The following TMOD1 variants were observed in gnomAD, a reference collection of about 807,000 sequenced individuals.
The protein encoded by TMOD1 is tropomodulin 1, also known as tropomodulin-1.
A neutral mutation model predicts 40.6 loss-of-function variants in TMOD1; 17 were observed. The observed-to-expected ratio is 0.42, with a 90% CI of 0.29 to 0.63. The LOEUF (loss-of-function observed/expected upper bound fraction) is 0.63, where lower values mean the gene tolerates loss of function less well. Among genes scored for constraint, TMOD1 ranks in the 20% least tolerant of loss-of-function variants. The pLI, the probability that TMOD1 is intolerant of heterozygous loss-of-function variation, is 0.22. For synonymous variants in TMOD1, 181 were observed against 175.0 expected, an observed-to-expected ratio of 1.03 and a Z score of -0.27; for missense variants, 391 against 447.6, an observed-to-expected ratio of 0.87 and a Z score of 1.14.
chr9:97,566,644 T>C (rs963901424), intron 7 of TMOD1, among the ~76,000 whole-genome samples: 2 of 151,982 alleles, frequency 1.3e-5, no homozygotes, highest in Admixed American at 6.6e-5. Context: ...ATACTCCAGC[T>C]TGGGCGACAG....
At chr9:97,552,166 G>C (rs1202452118) in intron 3 of TMOD1, among the ~76,000 whole-genome samples, 1 of 152,138 alleles carries the variant, frequency 6.6e-6, no homozygotes, top group Non-Finnish European at 1.5e-5. Flanking sequence ...GGATTCCACT[G>C]ACTTCTTTTT....
intron 2 of TMOD1, among the ~76,000 whole-genome samples, chr9:97,543,795 C>A (rs1406625646): frequency 6.6e-6 from 1 of 152,216 alleles, no homozygotes; most frequent in African/African-American, 2.4e-5. Flanking sequence ...GGCGTGGGCA[C>A]ACACAGCTAG....
At position 97,600,852 on chromosome 9, in the gene TMOD1, G is replaced by GTGTT. The variant is rs1483857454; in HGVS notation, c.*1155_*1158dup. 3 of 1,088,988 alleles carry GTGTT rather than the reference G, an allele frequency of 2.8e-6. No homozygotes were observed. The highest frequency in any genetic ancestry group is 5.0e-5 in the Admixed American group (1 of 20,026). 67.5% of individuals were successfully genotyped at this position (1,088,988 alleles called of 1,614,324 possible). A position where few individuals can be genotyped will look rare whatever the true frequency, so the allele number is the denominator to read the frequency against. ...GTGCGTCTCTTGGGATCCAGCAAAA[G>GTGTT]TGTTAAGCCACAATGCCCTTGTGCC... On this transcript the variant is annotated 3_prime_UTR_variant, in exon 10 of 10. Coordinates refer to ENST00000259365, the MANE Select transcript of TMOD1 (RefSeq NM_003275.4).
chr9:97,563,468 A>C (rs895478791), intron 5 of TMOD1, among the ~76,000 whole-genome samples: 1 of 152,038 alleles, frequency 6.6e-6, no homozygotes, highest in Non-Finnish European at 1.5e-5. Context: ...TCCTTGCAAG[A>C]TTTATCCTTT....
At chr9:97,573,828 AGCCTC>A (rs1255780313) in intron 8 of TMOD1, among the ~76,000 whole-genome samples, 1 of 152,220 alleles carries the variant, frequency 6.6e-6, no homozygotes, top group African/African-American at 2.4e-5. Flanking sequence ...TTTATGACCC[AGCCTC>A]GGAAGTTACA....
intron 7 of TMOD1, among the ~76,000 whole-genome samples, chr9:97,568,505 A>G (rs539229793): frequency 6.6e-6 from 1 of 152,332 alleles, no homozygotes; most frequent in South Asian, 2.1e-4. Flanking sequence ...AAAGATGGGT[A>G]GAGCTTGGAC....
chr9:97,599,591 T>G (rs993100233), intron 9 of TMOD1, 43 bp from the exon 10 acceptor site: 3 of 1,612,928 alleles, frequency 1.9e-6, no homozygotes, highest in Non-Finnish European at 2.5e-6. Context: ...GCCCCTGGTC[T>G]ACAGGGAAAA....
chr9:97,580,179 G>T (rs1336661607), intron 8 of TMOD1, among the ~76,000 whole-genome samples: 1 of 152,186 alleles, frequency 6.6e-6, no homozygotes, highest in Non-Finnish European at 1.5e-5. Context: ...GTAAATTGCA[G>T]CAGTTCTTGG....
At chr9:97,536,050 C>T (rs1412760030) in intron 2 of TMOD1, among the ~76,000 whole-genome samples, 2 of 152,116 alleles carry the variant, frequency 1.3e-5, no homozygotes. Context: ...TTGGCTCACC[C>T]CGCTGCCCCT....
In TMOD1 at chr9:97,537,379, G is replaced by A. The variant is rs893355578; in HGVS notation, c.121-8806G>A. Among the ~76,000 whole-genome samples the A allele has an allele frequency of 9.2e-5, 14 of 152,334 alleles. No individual in the cohort carries two copies. In the East Asian group the frequency reaches 2.3e-3, roughly 25 times the overall value. ...GTGTGTTGCCTCTGTGTGCACATCT[G>A]AACAAGCCCACAAGGTTCTAGGCAG... On this transcript the variant is annotated intron_variant, in intron 2 of 9. Transcript: ENST00000259365.
At position 97,546,234 on chromosome 9, in the gene TMOD1, C is replaced by T. The variant is rs369490245; in HGVS notation, c.170C>T (p.Ala57Val). 61 of 1,613,806 alleles carry T rather than the reference C, an allele frequency of 3.8e-5. No individual in the cohort carries two copies. The highest frequency in any genetic ancestry group is 6.7e-5 in the East Asian group (3 of 44,882). ...AGGCAGAAGGATCAGACCACCAAGG[C>T]GCCCACGGGCCCCTTTAAAAGAGAG... Reference protein sequence around the residue: ...GLRQKDQTTKAPTGPFKREEL... With the variant: ...GLRQKDQTTKVPTGPFKREEL... The change falls in exon 3 of 10, where the codon GCG becomes GTG. Residue 57 changes from alanine to valine, a missense_variant. Physicochemically the swap from Ala to Val is moderately conservative, Grantham distance 64. Coordinates refer to ENST00000259365, the MANE Select transcript of TMOD1 (RefSeq NM_003275.4).
chr9:97,557,260 C>A lies in TMOD1; in HGVS notation c.397+3860C>A, dbSNP rs1830550668. Among the ~76,000 whole-genome samples the A allele has an allele frequency of 6.6e-6, 1 of 152,172 alleles. No homozygotes were observed. The highest frequency in any genetic ancestry group is 1.5e-5 in the Non-Finnish European group (1 of 68,036). On this transcript the variant is annotated intron_variant, in intron 4 of 9. Transcript: ENST00000259365. The surrounding 1 kb of genome is among the most constrained non-coding windows in gnomAD (Gnocchi z 4.4). Reference sequence around the variant, plus strand: ...CACAGGTTCCTGGCAGGGCTAAGTTCTTGGCGCATAGCCTACAGGGTTGTA... The same window carrying A: ...CACAGGTTCCTGGCAGGGCTAAGTTATTGGCGCATAGCCTACAGGGTTGTA...
intron 2 of TMOD1, among the ~76,000 whole-genome samples, chr9:97,537,076 C>T (rs1587928087): frequency 6.6e-6 from 1 of 152,190 alleles, no homozygotes; most frequent in South Asian, 2.1e-4. Flanking sequence ...TCAGGCTTCC[C>T]AGCTATGAGG....
At position 97,508,314 on chromosome 9, in the gene TMOD1, G is replaced by A. The variant is rs563426694; in HGVS notation, c.-49+6511G>A. On this transcript the variant is annotated intron_variant, in intron 1 of 9. Transcript: ENST00000259365. Reference sequence around the variant, plus strand: ...AGCAATTCTCCTATCTCAGCCTCCCGAGTAGCTGGGACTACAGGTGCACAC... The same window carrying A: ...AGCAATTCTCCTATCTCAGCCTCCCAAGTAGCTGGGACTACAGGTGCACAC... 1.2e-4 allele frequency among the ~76,000 whole-genome samples: 18 copies of A among 151,808 alleles called. No homozygotes were observed. The East Asian group carries it at 1.6e-3, about 13-fold the overall frequency.
chr9:97,528,586 C>G (rs1241779389), intron 2 of TMOD1, among the ~76,000 whole-genome samples: 1 of 152,212 alleles, frequency 6.6e-6, no homozygotes, highest in Non-Finnish European at 1.5e-5. Context: ...TGGAGGGCCT[C>G]CCTTCTTTTG....
chr9:97,576,597 A>G (rs1830943173), intron 8 of TMOD1, among the ~76,000 whole-genome samples: 1 of 152,112 alleles, frequency 6.6e-6, no homozygotes, highest in Non-Finnish European at 1.5e-5. Flanking sequence ...TACTTCATGC[A>G]TAGAAACACA....
At chr9:97,514,540 G>C (rs530690114) in intron 1 of TMOD1, among the ~76,000 whole-genome samples, 63 of 152,258 alleles carry the variant, frequency 4.1e-4, no homozygotes, top group Non-Finnish European at 7.5e-4. Context: ...ACTGCTTCCT[G>C]GGGATGGGTT....
chr9:97,540,502 G>T (rs1211658385), intron 2 of TMOD1, among the ~76,000 whole-genome samples: 1 of 152,148 alleles, frequency 6.6e-6, no homozygotes, highest in Non-Finnish European at 1.5e-5. Flanking sequence ...CACTCTGGGG[G>T]TGAGGGCTTC....
At chr9:97,585,064 T>C (rs1042251753) in intron 8 of TMOD1, among the ~76,000 whole-genome samples, 20 of 152,314 alleles carry the variant, frequency 1.3e-4, no homozygotes, top group Middle Eastern at 6.8e-3. Flanking sequence ...TAGCTGGTTA[T>C]TTTGCTCGTT....
Sources: allele counts gnomAD v4.1 joint callset (sites outside exome capture counted in the v4.1 genomes callset), GRCh38; gene constraint gnomAD v4.1.1; non-coding constraint Gnocchi (gnomAD v3.1); transcripts MANE v1.5; gene names NCBI Gene and HGNC (gene_info 2026-07-23, HGNC 2026-07-21).